Variants in PLEKHA8 observed in about 807,000 individuals in gnomAD.
PLEKHA8 encodes pleckstrin homology domain containing A8.
A neutral mutation model predicts 68.2 loss-of-function variants in PLEKHA8; 36 were observed. The observed-to-expected ratio is 0.53, with a 90% CI of 0.40 to 0.70. The LOEUF is 0.70. PLEKHA8 is among the 30% of genes least tolerant of loss of function. PLEKHA8 has a pLI of 0.00. For synonymous variants in PLEKHA8, 211 were observed against 216.1 expected, an observed-to-expected ratio of 0.98 and a Z score of 0.20; for missense variants, 505 against 615.4, an observed-to-expected ratio of 0.82 and a Z score of 1.90.
rs1554385029 is a variant in PLEKHA8, at chr7:30,056,312, C to CTATATA, written c.1039+985_1039+990dup. ...TCTCTCTCTCTCTCTCTCTCTCTCT[C>CTATATA]TATATATATATATATATATAAATAA... On this transcript the variant is annotated intron_variant, in intron 9 of 13. Coordinates refer to ENST00000449726, the MANE Select transcript of PLEKHA8 (RefSeq NM_001197026.2). Among the ~76,000 whole-genome samples, 821 of 94,518 alleles carry CTATATA rather than the reference C, an allele frequency of 8.7e-3. 21 individuals carry two copies. The highest frequency in any genetic ancestry group is 0.031 in the East Asian group (107 of 3,502). 62.0% of individuals were successfully genotyped at this position (94,518 alleles called of 152,430 possible). A position where few individuals can be genotyped will look rare whatever the true frequency, so the allele number is the denominator to read the frequency against.
chr7:30,129,289 GA>G lies in PLEKHA8; in HGVS notation c.*20del, dbSNP rs371233128. On this transcript the variant is annotated 3_prime_UTR_variant, in exon 14 of 14. Transcript: ENST00000396257. ...AGGTGTAGGAATGTGGGTGTAGACG[GA>G]ACTCCAGAAACCATCATGGACCATG... is the stretch of plus-strand genomic sequence containing the variant. The G allele has an allele frequency of 3.7e-4, 593 of 1,612,522 alleles. 2 individuals are homozygous for G. The African/African-American group carries it at 7.4e-3, about 20-fold the overall frequency.
intron 13 of PLEKHA8, among the ~76,000 whole-genome samples, chr7:30,123,100 A>G (rs900930481): frequency 6.6e-6 from 1 of 152,120 alleles, no homozygotes; most frequent in Non-Finnish European, 1.5e-5. Flanking sequence ...ACTAGAACCC[A>G]CCTCTCCATT....
intron 6 of PLEKHA8, among the ~76,000 whole-genome samples, chr7:30,051,506 G>A (rs1005638242): frequency 6.6e-6 from 1 of 151,806 alleles, no homozygotes; most frequent in Non-Finnish European, 1.5e-5. Flanking sequence ...AATTAGGCTA[G>A]GTATAATCAC....
chr7:30,100,424 C>A lies in PLEKHA8; in HGVS notation c.1362+26292C>A, dbSNP rs148350785. 3.1e-4 allele frequency among the ~76,000 whole-genome samples: 47 copies of A among 152,090 alleles called. 1 individual carries two copies. The East Asian group carries it at 7.0e-3, about 23-fold the overall frequency. ...AAAATTAGCCAGGTATGGTGGTGTACACCTGTGGTCCCAGCTACTCAGGAA... is the reference window on the plus strand; with the variant it reads ...AAAATTAGCCAGGTATGGTGGTGTAAACCTGTGGTCCCAGCTACTCAGGAA... On this transcript the variant is annotated intron_variant, in intron 13 of 13. Coordinates refer to the PLEKHA8 transcript ENST00000396257.
At chr7:30,110,894 T>C (rs538431943) in intron 13 of PLEKHA8, among the ~76,000 whole-genome samples, 99 of 152,156 alleles carry the variant, frequency 6.5e-4, no homozygotes, top group Middle Eastern at 3.4e-3. Context: ...TTGTGGTGTT[T>C]TCTTATTTTG....
chr7:30,074,004 A>T, intron 12 of PLEKHA8, 67 bp from the exon 13 acceptor site: 2 of 1,347,210 alleles, frequency 1.5e-6, no homozygotes. Context: ...AAAAAAAAGT[A>T]CATTATACAA....
Position 30,078,975 on chromosome 7 carries a change from G to A in PLEKHA8, c.*188G>A, listed in dbSNP as rs1794783624. 7.2e-7 allele frequency: 1 copy of A among 1,391,544 alleles called. No homozygotes were observed. Among genetic ancestry groups the A allele is most frequent in the Non-Finnish European group, 9.3e-7 (1 of 1,075,944 alleles). 86.2% of individuals were successfully genotyped at this position (1,391,544 alleles called of 1,614,324 possible). A position where few individuals can be genotyped will look rare whatever the true frequency, so the allele number is the denominator to read the frequency against. ...ATGTGTTTTGTTTAAAGATCAAGGTGCTATATATTTCAGTTCAGCAGGCCT... is the reference window on the plus strand; with the variant it reads ...ATGTGTTTTGTTTAAAGATCAAGGTACTATATATTTCAGTTCAGCAGGCCT... On this transcript the variant is annotated 3_prime_UTR_variant, in exon 14 of 14. Coordinates refer to ENST00000449726, the MANE Select transcript of PLEKHA8 (RefSeq NM_001197026.2).
At chr7:30,039,727 A>G (rs1373353289) in intron 1 of PLEKHA8, among the ~76,000 whole-genome samples, 1 of 151,836 alleles carries the variant, frequency 6.6e-6, no homozygotes, top group Non-Finnish European at 1.5e-5. Context: ...GCTTCCTTGC[A>G]TTTTGTTTTT....
At position 30,063,135 on chromosome 7, in the gene PLEKHA8, G is replaced by A. The variant is rs185176672; in HGVS notation, c.1300+393G>A. 9.9e-5 allele frequency among the ~76,000 whole-genome samples: 15 copies of A among 152,284 alleles called. No individual in the cohort carries two copies. The East Asian group carries it at 2.9e-3, about 29-fold the overall frequency. ...GCGGGTTGGCGTGGGGGAATCCCAG[G>A]GATTTGTTCTGGAGTAAGAGTAAAG... On this transcript the variant is annotated intron_variant, in intron 12 of 13. Coordinates refer to ENST00000449726, the MANE Select transcript of PLEKHA8 (RefSeq NM_001197026.2).
chr7:30,059,370 A>G (rs1793250683), intron 9 of PLEKHA8, among the ~76,000 whole-genome samples: 1 of 152,190 alleles, frequency 6.6e-6, no homozygotes, highest in African/African-American at 2.4e-5. Flanking sequence ...ATAATCATGA[A>G]TGAGTTAACT....
intron 13 of PLEKHA8, among the ~76,000 whole-genome samples, chr7:30,108,566 C>T (rs1796155861): frequency 6.6e-6 from 1 of 151,828 alleles, no homozygotes; most frequent in African/African-American, 2.4e-5. Context: ...AAATCTAACC[C>T]AAAAAATGTA....
intron 1 of PLEKHA8, among the ~76,000 whole-genome samples, chr7:30,031,530 A>G (rs961979525): frequency 1.3e-5 from 2 of 152,164 alleles, no homozygotes; most frequent in Admixed American, 6.5e-5. Context: ...AGAGCTGAGG[A>G]GAGTGAGGCT....
chr7:30,090,491 A>T (rs1211401627), exon 13 of PLEKHA8: 1 of 243,478 alleles, frequency 4.1e-6, no homozygotes, highest in Non-Finnish European at 8.0e-6. Context: ...TCAATGATGG[A>T]TGAGCTGGTA....
At chr7:30,103,639 T>A (rs1795950647) in intron 13 of PLEKHA8, among the ~76,000 whole-genome samples, 1 of 152,214 alleles carries the variant, frequency 6.6e-6, no homozygotes, top group African/African-American at 2.4e-5. Flanking sequence ...TGATTTTTGA[T>A]CAAGATGCCA....
At chr7:30,064,443 T>TGAGGTGG (rs1793674872) in intron 12 of PLEKHA8, among the ~76,000 whole-genome samples, 1 of 152,104 alleles carries the variant, frequency 6.6e-6, no homozygotes, top group Admixed American at 6.5e-5. Context: ...CTTAGGGGGC[T>TGAGGTGG]GAGGTGGGAA....
chr7:30,052,631 A>ACCCTGTTT, intron 6 of PLEKHA8, 78 bp from the exon 7 acceptor site: 1 of 1,215,482 alleles, frequency 8.2e-7, no homozygotes, highest in South Asian at 1.7e-5. Flanking sequence ...CAGAGTGGAG[A>ACCCTGTTT]CCCTGTTTCA....
At chr7:30,045,379 A>C (rs1583794685) in intron 2 of PLEKHA8, among the ~76,000 whole-genome samples, 178 bp downstream of exon 2, 1 of 152,220 alleles carries the variant, frequency 6.6e-6, no homozygotes, top group Admixed American at 6.5e-5. Context: ...GCCAGCTTTT[A>C]TGAGGAGATT....
intron 12 of PLEKHA8, among the ~76,000 whole-genome samples, chr7:30,063,703 A>T (rs1335102644): frequency 6.6e-6 from 1 of 152,128 alleles, no homozygotes; most frequent in Non-Finnish European, 1.5e-5. Flanking sequence ...TAAAAATGAG[A>T]GCTGACATTT....
intron 13 of PLEKHA8, among the ~76,000 whole-genome samples, chr7:30,121,096 A>C (rs553501502): frequency 3.9e-5 from 6 of 151,944 alleles, no homozygotes; most frequent in African/African-American, 1.4e-4. Context: ...CAAAGGATAC[A>C]TACTGTGATT....
Sources: allele counts gnomAD v4.1 joint callset (sites outside exome capture counted in the v4.1 genomes callset), GRCh38; gene constraint gnomAD v4.1.1; transcripts MANE v1.5; gene names NCBI Gene and HGNC (gene_info 2026-07-23, HGNC 2026-07-21).